Variants in CTNNA2 observed in about 807,000 individuals in gnomAD.
CTNNA2 encodes catenin alpha-2.
CTNNA2 carries 42 observed loss-of-function variants against 101.0 expected under a neutral mutation model. That is an observed-to-expected ratio of 0.42 (90% CI 0.32 to 0.54). The LOEUF (loss-of-function observed/expected upper bound fraction) is 0.54. Ranked by LOEUF, CTNNA2 falls within the 20% of genes least tolerant of loss-of-function variation. The pLI is 0.14. For missense variants in CTNNA2, 871 were observed against 1,223.1 expected, an observed-to-expected ratio of 0.71 and a Z score of 4.29; for synonymous variants, 450 against 456.4, an observed-to-expected ratio of 0.99 and a Z score of 0.18.
chr2:80,589,202 C>T, intron 14 of CTNNA2, 102 bp from the exon 15 acceptor site: 5 of 1,195,896 alleles, frequency 4.2e-6, no homozygotes, highest in South Asian at 1.5e-5. Context: ...AGCTCATAAG[C>T]CTTTGCAGGG....
chr2:80,279,639 T>C (rs915934120), intron 7 of CTNNA2, among the ~76,000 whole-genome samples: 29 of 152,120 alleles, frequency 1.9e-4, no homozygotes, highest in Admixed American at 5.9e-4. Context: ...CAGAATGAAA[T>C]ACTGACCACA....
At chr2:79,638,822 G>A (rs1680258066) in intron 1 of CTNNA2, among the ~76,000 whole-genome samples, 1 of 152,006 alleles carries the variant, frequency 6.6e-6, no homozygotes, top group South Asian at 2.1e-4. Flanking sequence ...AAGTCCTTAG[G>A]TACTAATTAA....
intron 7 of CTNNA2, among the ~76,000 whole-genome samples, chr2:80,273,811 A>G (rs1352601905): frequency 1.3e-5 from 2 of 149,714 alleles, no homozygotes; most frequent in Non-Finnish European, 3.0e-5. Context: ...GTCCTCCTCT[A>G]CTCCCTCTTT....
At chr2:80,479,778 A>T (rs1686007180) in intron 9 of CTNNA2, among the ~76,000 whole-genome samples, 1 of 152,208 alleles carries the variant, frequency 6.6e-6, no homozygotes, top group Non-Finnish European at 1.5e-5. Context: ...TACAAAACTG[A>T]TTTATTGAAA....
intron 1 of CTNNA2, among the ~76,000 whole-genome samples, chr2:79,604,389 C>A (rs1573456632): frequency 6.6e-6 from 1 of 152,194 alleles, no homozygotes; most frequent in African/African-American, 2.4e-5. Flanking sequence ...AGCCATAATA[C>A]TGCCCCAGCC....
chr2:80,111,793 A>C lies in CTNNA2; in HGVS notation c.1056+201996A>C, dbSNP rs1336451496. On this transcript the variant is annotated intron_variant, in intron 7 of 18. Coordinates refer to ENST00000402739, the MANE Select transcript of CTNNA2 (RefSeq NM_001282597.3). ...CCTTCCTGTCACAGCCTCCCAAAGT[A>C]CTAGGATTATAGGCATGAGCCACTG... Among the ~76,000 whole-genome samples, 3 of 152,206 alleles carry C rather than the reference A, an allele frequency of 2.0e-5. No homozygotes were observed. In the East Asian group the frequency reaches 5.8e-4, roughly 29 times the overall value.
chr2:79,706,358 G>C (rs868180051), intron 2 of CTNNA2, among the ~76,000 whole-genome samples: 2 of 83,292 alleles, frequency 2.4e-5, no homozygotes, highest in Admixed American at 1.8e-4. Flanking sequence ...GCGAGACTCC[G>C]TCTCAAAAAA....
chr2:79,749,357 G>T (rs1024289230), intron 3 of CTNNA2, among the ~76,000 whole-genome samples: 2 of 152,094 alleles, frequency 1.3e-5, no homozygotes, highest in Non-Finnish European at 2.9e-5. Flanking sequence ...TTTAAAAGAA[G>T]TAACAAAAAT....
At chr2:79,591,051 A>T (rs1050671624) in intron 1 of CTNNA2, among the ~76,000 whole-genome samples, 6 of 152,106 alleles carry the variant, frequency 3.9e-5, no homozygotes, top group African/African-American at 1.4e-4. Context: ...GACATGGGAG[A>T]TATCTTTATG....
chr2:79,674,321 T>G (rs1020753331), intron 2 of CTNNA2, among the ~76,000 whole-genome samples: 11 of 152,194 alleles, frequency 7.2e-5, no homozygotes, highest in Non-Finnish European at 1.5e-4. Flanking sequence ...CACAGTTAAT[T>G]TTAAGGATAA....
intron 4 of CTNNA2, among the ~76,000 whole-genome samples, chr2:79,413,611 T>C (rs111676263): frequency 2.0e-5 from 3 of 152,218 alleles, no homozygotes; most frequent in African/African-American, 7.2e-5. Context: ...ATAGTAGTTC[T>C]ATTTTTAATT....
At chr2:80,416,000 A>G (rs1396328467) in intron 8 of CTNNA2, among the ~76,000 whole-genome samples, 1 of 152,144 alleles carries the variant, frequency 6.6e-6, no homozygotes, top group Non-Finnish European at 1.5e-5. Context: ...CAAACAAACA[A>G]GAGGTGGAAC....
At chr2:79,850,180 C>T (rs1390192808) in intron 3 of CTNNA2, among the ~76,000 whole-genome samples, 2 of 150,090 alleles carry the variant, frequency 1.3e-5, no homozygotes, top group African/African-American at 4.9e-5. Flanking sequence ...TTCCTCCATC[C>T]TTCCCTCTCT....
At chr2:79,578,701 C>G (rs1343924809) in intron 1 of CTNNA2, among the ~76,000 whole-genome samples, 1 of 152,160 alleles carries the variant, frequency 6.6e-6, no homozygotes, top group Non-Finnish European at 1.5e-5. Context: ...AGGCCTGTTC[C>G]TGGACTCTCT....
intron 2 of CTNNA2, among the ~76,000 whole-genome samples, chr2:79,715,121 C>T (rs1031575693): frequency 1.4e-5 from 2 of 145,026 alleles, no homozygotes; most frequent in Non-Finnish European, 3.0e-5. Flanking sequence ...GCAGGAGAAT[C>T]GCTTGAACAC....
chr2:79,421,274 T>A (rs1021366480), intron 4 of CTNNA2, among the ~76,000 whole-genome samples: 13 of 152,154 alleles, frequency 8.5e-5, no homozygotes, highest in Non-Finnish European at 2.9e-5. Context: ...GAAGAATAAG[T>A]CCAAATTTTT....
Position 80,619,151 on chromosome 2 carries a change from G to T in CTNNA2, c.2497G>T (p.Ala833Ser), listed in dbSNP as rs1282798705. 2 of 1,566,740 alleles carry T rather than the reference G, an allele frequency of 1.3e-6. No individual in the cohort carries two copies. The highest frequency in any genetic ancestry group is 1.4e-5 in the African/African-American group (1 of 73,788). Residue 833 changes from alanine (A) to serine (S), a missense_variant, in exon 18 of 19, where the codon GCT becomes TCT. Transcript: ENST00000402739. The stretch of plus-strand genomic sequence containing the variant: ...TTGTGATGTCATAGATGGGGGCAGG[G>T]CTAGTCAACTTTCTACCCACCTCCC... Reference protein sequence around the residue: ...VDCDVIDGGRASQLSTHLPTC... With the variant: ...VDCDVIDGGRSSQLSTHLPTC...
At chr2:80,475,082 A>T (rs1572981506) in intron 9 of CTNNA2, among the ~76,000 whole-genome samples, 1 of 152,282 alleles carries the variant, frequency 6.6e-6, no homozygotes, top group East Asian at 1.9e-4. Flanking sequence ...ATTTTTAGAG[A>T]TGATGCTGTA....
chr2:80,148,082 A>C (rs1216193255), intron 7 of CTNNA2, among the ~76,000 whole-genome samples: 2 of 152,276 alleles, frequency 1.3e-5, no homozygotes, highest in Admixed American at 6.5e-5. Context: ...TACATAGCTC[A>C]GTTTATAATA....
Sources: allele counts gnomAD v4.1 joint callset (sites outside exome capture counted in the v4.1 genomes callset), GRCh38; gene constraint gnomAD v4.1.1; transcripts MANE v1.5; gene names NCBI Gene and HGNC (gene_info 2026-07-23, HGNC 2026-07-21).